NCOA1: variants seen among roughly 807,000 people sequenced by gnomAD.
The protein encoded by NCOA1 is Hin-2 protein.
NCOA1 carries 35 observed loss-of-function variants against 150.9 expected under a neutral mutation model. That is an observed-to-expected ratio of 0.23 (90% CI 0.18 to 0.31). NCOA1 has a LOEUF of 0.31. Ranked by LOEUF, NCOA1 falls within the 10% of genes least tolerant of loss-of-function variation. NCOA1 has a pLI of 1.00. For synonymous variants in NCOA1, 590 were observed against 630.0 expected, an observed-to-expected ratio of 0.94 and a Z score of 0.95; for missense variants, 1,491 against 1,749.3, an observed-to-expected ratio of 0.85 and a Z score of 2.63.
intron 17 of NCOA1, among the ~76,000 whole-genome samples, chr2:24,736,260 T>C (rs1284652047): frequency 4.6e-5 from 7 of 151,030 alleles, no homozygotes; most frequent in Non-Finnish European, 8.8e-5. Flanking sequence ...GAAAATGGTA[T>C]CATTAGCTGA....
chr2:24,768,693 T>C lies in NCOA1; in HGVS notation c.*302T>C, dbSNP rs550193493. On this transcript the variant is annotated 3_prime_UTR_variant, in exon 23 of 23. Transcript: ENST00000348332. The stretch of plus-strand genomic sequence containing the variant: ...CTTATTTTTGTAATCAGTCATTGGC[T>C]TCTTATCTGGATGAAGGCTTTTGGA... The C allele has an allele frequency of 4.2e-6, 1 of 239,290 alleles. No homozygotes were observed. Among genetic ancestry groups the C allele is most frequent in the East Asian group, 6.1e-5 (1 of 16,308 alleles). 14.8% of individuals were successfully genotyped at this position (239,290 alleles called of 1,614,324 possible). A position where few individuals can be genotyped will look rare whatever the true frequency, so the allele number is the denominator to read the frequency against.
intron 22 of NCOA1, among the ~76,000 whole-genome samples, chr2:24,763,312 G>T (rs907349276): frequency 1.3e-5 from 2 of 151,996 alleles, no homozygotes; most frequent in African/African-American, 4.8e-5. Flanking sequence ...GGCCGAGGCG[G>T]GCGGATCACA....
At position 24,728,312 on chromosome 2, in the gene NCOA1, T is replaced by C. The variant is rs147211201; in HGVS notation, c.2722T>C (p.Cys908Arg). The change falls in exon 16 of 23, where the codon TGT becomes CGT. Residue 908 changes from cysteine to arginine, a missense_variant. Transcript: ENST00000348332. ...AINQSKSEDQ[C>R]ISSQLDELLC... The stretch of plus-strand genomic sequence containing the variant: ...TCTTGTTTTTTAATCCTGCAGCCAG[T>C]GTATTAGCTCACAATTAGATGAGCT... 1 of 1,606,512 alleles carries C rather than the reference T, an allele frequency of 6.2e-7. No homozygotes were observed.
intron 11 of NCOA1, among the ~76,000 whole-genome samples, chr2:24,702,313 T>C (rs900588448): frequency 6.6e-6 from 1 of 152,232 alleles, no homozygotes; most frequent in African/African-American, 2.4e-5. Context: ...TTTCTGTACC[T>C]AATAACAATT....
chr2:24,629,813 C>CATAT (rs1356211925), intron 3 of NCOA1, among the ~76,000 whole-genome samples: 4,028 of 76,888 alleles, frequency 0.052, 120 homozygotes, highest in Non-Finnish European at 0.067. Flanking sequence ...AAGTAACATA[C>CATAT]ATACATATAT....
intron 1 of NCOA1, among the ~76,000 whole-genome samples, chr2:24,545,298 G>C (rs1035829229): frequency 6.6e-6 from 1 of 152,112 alleles, no homozygotes; most frequent in Non-Finnish European, 1.5e-5. Flanking sequence ...AAGGACAGGG[G>C]GTTGGTAAAG....
At chr2:24,668,855 AT>A (rs1042670231) in intron 6 of NCOA1, among the ~76,000 whole-genome samples, 1 of 152,162 alleles carries the variant, frequency 6.6e-6, no homozygotes, top group African/African-American at 2.4e-5. Context: ...ATCGAGATGA[AT>A]TTTTCAGCTC....
At chr2:24,541,979 A>C (rs992328890) in intron 1 of NCOA1, among the ~76,000 whole-genome samples, 3 of 152,224 alleles carry the variant, frequency 2.0e-5, no homozygotes, top group Admixed American at 6.5e-5. Flanking sequence ...TTTGGAAAAC[A>C]AAATCATTAA....
chr2:24,681,659 T>A (rs13008609), intron 7 of NCOA1, among the ~76,000 whole-genome samples: 2 of 152,054 alleles, frequency 1.3e-5, no homozygotes, highest in Non-Finnish European at 2.9e-5. Context: ...GAAAAAAAAT[T>A]TGTTTACTTT....
chr2:24,645,334 AC>A (rs1028190675), intron 4 of NCOA1, among the ~76,000 whole-genome samples: 2 of 145,138 alleles, frequency 1.4e-5, no homozygotes, highest in Admixed American at 7.0e-5. Flanking sequence ...TACTAAAAAT[AC>A]AAAAAAAAAA....
chr2:24,634,409 AAGAATGTTTTCT>A (rs1342317595), intron 3 of NCOA1, among the ~76,000 whole-genome samples: 3 of 152,202 alleles, frequency 2.0e-5, no homozygotes, highest in Non-Finnish European at 4.4e-5. Flanking sequence ...AATAACAAAC[AAGAATGTTTTCT>A]AGATTTCCTT....
intron 5 of NCOA1, 28 bp from the exon 6 acceptor site, chr2:24,665,721 C>G (rs904854328): frequency 1.4e-6 from 2 of 1,470,896 alleles, no homozygotes; most frequent in Admixed American, 2.1e-5. Flanking sequence ...TACAAATGTA[C>G]ACTAACTGGA....
At chr2:24,631,382 A>G (rs1669702475) in intron 3 of NCOA1, among the ~76,000 whole-genome samples, 1 of 152,174 alleles carries the variant, frequency 6.6e-6, no homozygotes, top group South Asian at 2.1e-4. Flanking sequence ...GCCACGTTAT[A>G]ATAATCTTGA....
intron 1 of NCOA1, among the ~76,000 whole-genome samples, chr2:24,512,818 A>G (rs1274312307): frequency 1.3e-5 from 2 of 152,202 alleles, no homozygotes; most frequent in East Asian, 1.9e-4. Context: ...CTTTGCACCT[A>G]TAGATCTGGA....
At chr2:24,727,381 A>T (rs1454869112) in intron 15 of NCOA1, among the ~76,000 whole-genome samples, 1 of 152,122 alleles carries the variant, frequency 6.6e-6, no homozygotes, top group Non-Finnish European at 1.5e-5. Context: ...TTTTAGTTAT[A>T]TTATTATTTT....
chr2:24,759,562 A>G (rs186744053), intron 21 of NCOA1, among the ~76,000 whole-genome samples: 6 of 152,328 alleles, frequency 3.9e-5, no homozygotes, highest in Non-Finnish European at 7.4e-5. Flanking sequence ...GATTATTGCA[A>G]TAACTCTCTA....
At chr2:24,639,874 C>T (rs1225565282) in intron 3 of NCOA1, among the ~76,000 whole-genome samples, 3 of 122,144 alleles carry the variant, frequency 2.5e-5, no homozygotes, top group African/African-American at 6.2e-5. Context: ...GGCGACAGTG[C>T]GAGACTCTGT....
intron 14 of NCOA1, among the ~76,000 whole-genome samples, chr2:24,715,559 T>C (rs981123147): frequency 2.0e-5 from 3 of 152,208 alleles, no homozygotes; most frequent in Non-Finnish European, 4.4e-5. Context: ...TCACAATATG[T>C]GTACTCAGTA....
At chr2:24,529,385 C>T (rs775327236) in intron 1 of NCOA1, among the ~76,000 whole-genome samples, 11 of 152,266 alleles carry the variant, frequency 7.2e-5, no homozygotes, top group African/African-American at 1.9e-4. Context: ...TAGAGAGTAG[C>T]GACACAATCC....
Sources: allele counts gnomAD v4.1 joint callset (sites outside exome capture counted in the v4.1 genomes callset), GRCh38; gene constraint gnomAD v4.1.1; transcripts MANE v1.5; gene names NCBI Gene and HGNC (gene_info 2026-07-23, HGNC 2026-07-21).